MGAM2: variants seen among roughly 807,000 people sequenced by gnomAD.
MGAM2 encodes probable maltase-glucoamylase 2.
In MGAM2, 98 loss-of-function variants were observed where a neutral mutation model predicts 96.1. That is an observed-to-expected ratio of 1.02 (90% CI 0.87 to 1.21). The LOEUF (loss-of-function observed/expected upper bound fraction) is 1.21, where lower values mean the gene tolerates loss of function less well. MGAM2 is among the 50% of genes most tolerant of loss of function. The pLI is 0.00. For missense variants in MGAM2, 2,055 were observed against 1,182.4 expected (o/e 1.74, Z -10.82); for synonymous variants, 749 against 414.8 (o/e 1.81, Z -9.79).
chr7:142,204,615 A>G (rs986296753), intron 45 of MGAM2, among the ~76,000 whole-genome samples: 1 of 152,074 alleles, frequency 6.6e-6, no homozygotes, highest in Non-Finnish European at 1.5e-5. Context: ...CCTATGTTGT[A>G]ATTTTATGAG....
chr7:142,126,506 G>A lies in MGAM2; in HGVS notation c.187-4442G>A, dbSNP rs569769712. On this transcript the variant is annotated intron_variant, in intron 3 of 47. Coordinates refer to ENST00000477922, the MANE Select transcript of MGAM2 (RefSeq NM_001293626.2). ...GGGCAATTTTTTTTTTTTAGGGAAA[G>A]ATTCTTAACTATCTTTCACAATTTT... Among the ~76,000 whole-genome samples, 109 of 151,418 alleles carry A rather than the reference G, an allele frequency of 7.2e-4. 1 individual carries two copies. The highest frequency in any genetic ancestry group is 2.6e-3 in the African/African-American group (109 of 41,276).
chr7:142,221,998 A>G lies in MGAM2; in HGVS notation c.7487A>G (p.His2496Arg). 2.5e-6 allele frequency: 1 copy of G among 398,486 alleles called. No homozygotes were observed. Among genetic ancestry groups the G allele is most frequent in the African/African-American group, 2.1e-5 (1 of 48,728 alleles). The allele number at this position is 398,486 out of a possible 1,614,324, so 24.7% of individuals were successfully genotyped here. The change falls in exon 48 of 48, where the codon CAT becomes CGT. Residue 2496 changes from histidine to arginine, a missense_variant. Coordinates refer to ENST00000477922, the MANE Select transcript of MGAM2 (RefSeq NM_001293626.2). ...ACTACCACTCCTGATAGTACAGTAC[A>G]TACCTCTGCTACTGCACCTACTTAT... is the stretch of plus-strand genomic sequence containing the variant. ...LNTTTPDSTV[H>R]TSATAPTYIA...
intron 45 of MGAM2, among the ~76,000 whole-genome samples, chr7:142,205,245 T>C (rs767203161): frequency 6.6e-6 from 1 of 152,100 alleles, no homozygotes; most frequent in Admixed American, 6.5e-5. Context: ...TTGGCTATTA[T>C]AAATAATGCT....
At chr7:142,199,500 G>A (rs1205634508) in intron 44 of MGAM2, among the ~76,000 whole-genome samples, 1 of 152,136 alleles carries the variant, frequency 6.6e-6, no homozygotes, top group African/African-American at 2.4e-5. Context: ...TAAAACTCCA[G>A]CAGGTTAGGA....
intron 15 of MGAM2, among the ~76,000 whole-genome samples, chr7:142,149,696 A>G (rs1795504192): frequency 6.6e-6 from 1 of 151,628 alleles, no homozygotes; most frequent in Non-Finnish European, 1.5e-5. Flanking sequence ...AGCTGCCACC[A>G]CGCCCGGCTA....
chr7:142,141,127 C>T lies in MGAM2; in HGVS notation c.1317+8C>T, dbSNP rs1192209375. 1 of 694,324 alleles carries T rather than the reference C, an allele frequency of 1.4e-6. No homozygotes were observed. 43.0% of individuals were successfully genotyped at this position (694,324 alleles called of 1,614,324 possible). ...GGCTTTGCTGTTGGGGAGGTAATTTCTTAAGAAAATCAAAGTAAATTATGA... is the reference window on the plus strand; with the variant it reads ...GGCTTTGCTGTTGGGGAGGTAATTTTTTAAGAAAATCAAAGTAAATTATGA... On this transcript the variant is annotated splice_region_variant and intron_variant, in intron 12 of 47. Coordinates refer to ENST00000477922, the MANE Select transcript of MGAM2 (RefSeq NM_001293626.2).
chr7:142,117,819 T>C (rs1027944534), intron 2 of MGAM2, among the ~76,000 whole-genome samples: 2 of 152,230 alleles, frequency 1.3e-5, no homozygotes, highest in East Asian at 3.8e-4. Context: ...GAGATTGCTA[T>C]CCAGTGTATA....
intron 3 of MGAM2, 126 bp from the exon 4 acceptor site, chr7:142,130,822 A>C: frequency 1.7e-6 from 1 of 589,984 alleles, no homozygotes; most frequent in East Asian, 2.8e-5. Flanking sequence ...AGAACAAATA[A>C]ATTAATGAAT....
At chr7:142,199,045 T>C (rs966522438) in intron 44 of MGAM2, among the ~76,000 whole-genome samples, 1 of 152,218 alleles carries the variant, frequency 6.6e-6, no homozygotes, top group Admixed American at 6.5e-5. Flanking sequence ...TAGGGAATGT[T>C]AATGAGCTCT....
chr7:142,128,812 G>C (rs1204303041), intron 3 of MGAM2, among the ~76,000 whole-genome samples: 2 of 152,212 alleles, frequency 1.3e-5, no homozygotes, highest in Non-Finnish European at 2.9e-5. Flanking sequence ...GAGTCCTTAT[G>C]GAGATCCTCT....
chr7:142,216,692 C>T (rs1797771646), intron 46 of MGAM2, among the ~76,000 whole-genome samples: 1 of 152,178 alleles, frequency 6.6e-6, no homozygotes, highest in Non-Finnish European at 1.5e-5. Context: ...TCAATAAGAA[C>T]TAGCTTTAGT....
chr7:142,201,884 C>G (rs1797246931), intron 45 of MGAM2, among the ~76,000 whole-genome samples: 1 of 151,910 alleles, frequency 6.6e-6, no homozygotes. Flanking sequence ...TTTTAATGGT[C>G]AAAAAATGAA....
chr7:142,203,745 G>A (rs1797310986), intron 45 of MGAM2, among the ~76,000 whole-genome samples: 1 of 152,008 alleles, frequency 6.6e-6, no homozygotes, highest in Non-Finnish European at 1.5e-5. Context: ...CAAGCAGTAG[G>A]GAAAGACTCT....
intron 45 of MGAM2, among the ~76,000 whole-genome samples, chr7:142,208,034 G>A (rs1281765020): frequency 6.6e-6 from 1 of 152,122 alleles, no homozygotes; most frequent in Non-Finnish European, 1.5e-5. Context: ...TTGTGCACAA[G>A]CCGAACATTA....
intron 47 of MGAM2, among the ~76,000 whole-genome samples, chr7:142,219,262 G>A (rs190496147): frequency 2.6e-5 from 4 of 152,246 alleles, no homozygotes; most frequent in Admixed American, 2.0e-4. Flanking sequence ...TTTCTAAAAC[G>A]TGAAATGAGT....
At position 142,189,378 on chromosome 7, in the gene MGAM2, A is replaced by C. The variant is rs1036852335; in HGVS notation, c.4219A>C (p.Arg1407=). The change falls in exon 37 of 48, where the codon AGG becomes CGG. Residue 1407 remains arginine, a synonymous_variant. Coordinates refer to ENST00000477922, the MANE Select transcript of MGAM2 (RefSeq NM_001293626.2). ...NPPYMPYLES[R]DKGLSSKTLC... ...ACATTTCCCCTCAGATTTGGAATCT[A>C]GGGACAAGGGCCTGAGCAGCAAGAC... The C allele has an allele frequency of 8.6e-6, 6 of 700,206 alleles. No homozygotes were observed. The highest frequency in any genetic ancestry group is 1.6e-5 in the Non-Finnish European group (6 of 382,470). The allele number at this position is 700,206 out of a possible 1,614,324, so 43.4% of individuals were successfully genotyped here.
chr7:142,208,010 A>G (rs765215621), intron 45 of MGAM2, among the ~76,000 whole-genome samples: 4 of 152,180 alleles, frequency 2.6e-5, no homozygotes, highest in Admixed American at 6.5e-5. Flanking sequence ...TGAGCAATCA[A>G]TTTTAAGCAC....
At chr7:142,167,245 A>C (rs1796054896) in intron 25 of MGAM2, 23 bp from the exon 26 acceptor site, 1 of 662,958 alleles carries the variant, frequency 1.5e-6, no homozygotes. Flanking sequence ...GAGGCTGAGC[A>C]AGACTTTCTC....
chr7:142,115,118 G>T (rs1237657815), intron 1 of MGAM2, among the ~76,000 whole-genome samples: 1 of 152,206 alleles, frequency 6.6e-6, no homozygotes, highest in African/African-American at 2.4e-5. Flanking sequence ...TCAGGAAGCT[G>T]AGGCAGGATA....
Sources: allele counts gnomAD v4.1 joint callset (sites outside exome capture counted in the v4.1 genomes callset), GRCh38; gene constraint gnomAD v4.1.1; transcripts MANE v1.5; gene names NCBI Gene and HGNC (gene_info 2026-07-23, HGNC 2026-07-21).